XKR6: variants seen among roughly 807,000 people sequenced by gnomAD.
The protein encoded by XKR6 is XK-related protein 6.
XKR6 carries 22 observed loss-of-function variants against 56.7 expected under a neutral mutation model. The observed-to-expected ratio is 0.39, with a 90% confidence interval of 0.28 to 0.55. The LOEUF is 0.55. Among genes scored for constraint, XKR6 ranks in the 20% least tolerant of loss-of-function variants. The probability of loss-of-function intolerance (pLI) is 0.66; values close to 1 mark genes in which losing one functional copy is unlikely to be tolerated. For synonymous variants in XKR6, 524 were observed against 387.8 expected (o/e 1.35, Z -4.13); for missense variants, 852 against 889.0 (o/e 0.96, Z 0.53).
chr8:11,176,663 G>C (rs1318381770), intron 1 of XKR6, among the ~76,000 whole-genome samples: 1 of 152,096 alleles, frequency 6.6e-6, no homozygotes, highest in Non-Finnish European at 1.5e-5. Context: ...GTCGGCCCCA[G>C]CCACTCTGGG....
chr8:11,151,564 T>C lies in XKR6; in HGVS notation c.764+49012A>G, dbSNP rs114578986. On this transcript the variant is annotated intron_variant, in intron 1 of 2. Transcript: ENST00000416569. ...GATGTGACATTTCCCTAAAAGCTCA[T>C]GCTAAACCACGCAGCACTGATAGCA... is the stretch of plus-strand genomic sequence containing the variant. 7.2e-3 allele frequency among the ~76,000 whole-genome samples: 1,091 copies of C among 152,292 alleles called. 14 individuals are homozygous for C. Among genetic ancestry groups the C allele is most frequent in the African/African-American group, 0.022 (918 of 41,554 alleles).
chr8:11,195,776 G>A (rs1055887869), intron 1 of XKR6, among the ~76,000 whole-genome samples: 14 of 151,414 alleles, frequency 9.2e-5, no homozygotes, highest in Non-Finnish European at 1.9e-4. Context: ...GGCCTCCTGA[G>A]TAGCTGGGAC....
At chr8:10,965,819 G>A (rs780732656) in intron 1 of XKR6, among the ~76,000 whole-genome samples, 1 of 152,240 alleles carries the variant, frequency 6.6e-6, no homozygotes. Context: ...TCACACAACG[G>A]AGAGGAGCTC....
chr8:11,035,172 C>G (rs1319117038), intron 1 of XKR6: 1 of 534,368 alleles, frequency 1.9e-6, no homozygotes, highest in Non-Finnish European at 3.8e-6. Flanking sequence ...GTCTCGTGCC[C>G]AGCCCAGCGT....
intron 1 of XKR6, among the ~76,000 whole-genome samples, chr8:11,006,134 G>C (rs1329322517): frequency 2.0e-5 from 3 of 152,048 alleles, no homozygotes; most frequent in Non-Finnish European, 4.4e-5. Context: ...GTGAACCACT[G>C]TGACTGACTA....
At chr8:10,915,612 T>A (rs1416526001) in intron 2 of XKR6, among the ~76,000 whole-genome samples, 8 of 152,188 alleles carry the variant, frequency 5.3e-5, no homozygotes, top group African/African-American at 1.9e-4. Context: ...GCCAGAGTGG[T>A]GCAGTGCGAG....
At chr8:11,196,106 C>G (rs770925875) in intron 1 of XKR6, among the ~76,000 whole-genome samples, 1 of 152,122 alleles carries the variant, frequency 6.6e-6, no homozygotes. Flanking sequence ...CCTGGCCCCA[C>G]ACAAACGAAT....
intron 1 of XKR6, among the ~76,000 whole-genome samples, chr8:11,165,090 C>CATT (rs762270947): frequency 8.5e-5 from 7 of 82,472 alleles, no homozygotes; most frequent in African/African-American, 3.6e-4. Context: ...AGGCTATCAC[C>CATT]TTTTTTTTTT....
intron 1 of XKR6, among the ~76,000 whole-genome samples, chr8:11,076,872 G>T (rs17152810): frequency 2.7e-4 from 41 of 152,226 alleles, no homozygotes; most frequent in African/African-American, 8.9e-4. Flanking sequence ...TGATTCCTTC[G>T]TCCATTCAAA....
chr8:10,900,857 C>CTTTTT (rs139738888), intron 2 of XKR6, among the ~76,000 whole-genome samples: 53,642 of 114,248 alleles, frequency 0.47, 15,279 homozygotes, highest in East Asian at 0.96. Context: ...GTGCAATTAC[C>CTTTTT]TTTTTTTTTT....
At chr8:11,015,591 C>T (rs1259490526) in intron 1 of XKR6, among the ~76,000 whole-genome samples, 2 of 152,130 alleles carry the variant, frequency 1.3e-5, no homozygotes, top group African/African-American at 2.4e-5. Context: ...GTGTCTGAAG[C>T]CAGGGGGCTC....
intron 1 of XKR6, among the ~76,000 whole-genome samples, chr8:11,013,241 T>A (rs572855139): frequency 1.3e-5 from 2 of 152,346 alleles, no homozygotes; most frequent in African/African-American, 4.8e-5. Context: ...TTGAAGGACT[T>A]GCCCATGGTC....
chr8:11,058,622 G>C (rs1258891054), intron 1 of XKR6, among the ~76,000 whole-genome samples: 2 of 152,200 alleles, frequency 1.3e-5, no homozygotes, highest in Non-Finnish European at 2.9e-5. Context: ...TCACTCATAA[G>C]TGGGAGCTGA....
intron 1 of XKR6, chr8:11,109,122 T>C (rs918620202): frequency 6.6e-6 from 1 of 152,232 alleles, no homozygotes; most frequent in Non-Finnish European, 1.5e-5. Flanking sequence ...CTGAAACGCT[T>C]TTCTAGTACA....
chr8:10,915,106 C>G (rs1800520747), intron 2 of XKR6, among the ~76,000 whole-genome samples: 2 of 152,242 alleles, frequency 1.3e-5, no homozygotes, highest in African/African-American at 4.8e-5. Flanking sequence ...TCCCAGCTTT[C>G]TTGCTCTCTG....
intron 1 of XKR6, among the ~76,000 whole-genome samples, chr8:11,197,204 T>C (rs1803938375): frequency 6.6e-6 from 1 of 152,264 alleles, no homozygotes; most frequent in South Asian, 2.1e-4. Context: ...AAATTCCTTT[T>C]ACTCTGAAAT....
At chr8:10,991,290 G>A (rs530859972) in intron 1 of XKR6, among the ~76,000 whole-genome samples, 1 of 152,216 alleles carries the variant, frequency 6.6e-6, no homozygotes, top group East Asian at 1.9e-4. Context: ...CTCTGGTGCT[G>A]ATGGGAGCTG....
At chr8:11,179,954 G>A (rs974758606) in intron 1 of XKR6, among the ~76,000 whole-genome samples, 5 of 152,000 alleles carry the variant, frequency 3.3e-5, no homozygotes, top group Non-Finnish European at 7.4e-5. Flanking sequence ...GCAACATGGC[G>A]AGACCCCATC....
intron 1 of XKR6, among the ~76,000 whole-genome samples, chr8:11,142,568 C>T (rs192418201): frequency 1.7e-4 from 26 of 152,270 alleles, no homozygotes; most frequent in East Asian, 1.4e-3. Context: ...TGAGTTCACA[C>T]GAGATCTGAT....
Sources: allele counts gnomAD v4.1 joint callset (sites outside exome capture counted in the v4.1 genomes callset), GRCh38; gene constraint gnomAD v4.1.1; transcripts MANE v1.5; gene names NCBI Gene and HGNC (gene_info 2026-07-23, HGNC 2026-07-21).